Variants in ANTXR2 observed in about 807,000 individuals in gnomAD.
ANTXR2 encodes ANTXR cell adhesion molecule 2, also known as anthrax toxin receptor 2.
A neutral mutation model predicts 73.7 loss-of-function variants in ANTXR2; 44 were observed. That is an observed-to-expected ratio of 0.60 (90% CI 0.47 to 0.77). ANTXR2 has a LOEUF of 0.77. Ranked by LOEUF, ANTXR2 falls within the 30% of genes least tolerant of loss-of-function variation. The pLI is 0.00. For missense variants in ANTXR2, 604 were observed against 592.5 expected (o/e 1.02, Z -0.20); for synonymous variants, 217 against 205.9 (o/e 1.05, Z -0.46).
At chr4:79,979,602 T>A (rs1729797707) in intron 14 of ANTXR2, among the ~76,000 whole-genome samples, 1 of 152,164 alleles carries the variant, frequency 6.6e-6, no homozygotes, top group Non-Finnish European at 1.5e-5. Context: ...TTAAAATGTA[T>A]CTATATCTTT....
At chr4:80,061,459 T>C (rs1449285467) in intron 3 of ANTXR2, among the ~76,000 whole-genome samples, 1 of 152,138 alleles carries the variant, frequency 6.6e-6, no homozygotes, top group Non-Finnish European at 1.5e-5. Flanking sequence ...TTACTCTCAA[T>C]AGATTATTAG....
At chr4:80,030,874 A>G (rs1305825949) in intron 10 of ANTXR2, among the ~76,000 whole-genome samples, 1 of 152,072 alleles carries the variant, frequency 6.6e-6, no homozygotes, top group Non-Finnish European at 1.5e-5. Flanking sequence ...CCTATTAACT[A>G]TCTTAAACAT....
chr4:79,966,127 GACACACACACACACAC>G (rs10549471), intron 16 of ANTXR2, among the ~76,000 whole-genome samples: 1 of 149,408 alleles, frequency 6.7e-6, no homozygotes, highest in Non-Finnish European at 1.5e-5. Flanking sequence ...CTAGGACTTA[GACACACACACACACAC>G]ACACACACAC....
intron 14 of ANTXR2, among the ~76,000 whole-genome samples, chr4:79,980,692 G>T (rs1453358138): frequency 6.6e-6 from 1 of 152,054 alleles, no homozygotes; most frequent in Non-Finnish European, 1.5e-5. Flanking sequence ...TAGGTATTGT[G>T]GATCAGTTGT....
intron 7 of ANTXR2, among the ~76,000 whole-genome samples, chr4:80,052,761 C>A (rs1040383541): frequency 7.3e-5 from 11 of 151,426 alleles, no homozygotes; most frequent in African/African-American, 2.7e-4. Context: ...GAACTTTAGG[C>A]AAGAAAGGCC....
chr4:79,962,853 A>G (rs1055186349), intron 16 of ANTXR2, among the ~76,000 whole-genome samples: 2 of 152,202 alleles, frequency 1.3e-5, no homozygotes, highest in Non-Finnish European at 2.9e-5. Context: ...GGGTAATAAT[A>G]TTGAGTAGCC....
At chr4:79,964,460 G>T (rs1271479342) in intron 16 of ANTXR2, among the ~76,000 whole-genome samples, 1 of 152,184 alleles carries the variant, frequency 6.6e-6, no homozygotes, top group African/African-American at 2.4e-5. Context: ...GCTTAATGGA[G>T]GTTGTTTATG....
intron 16 of ANTXR2, among the ~76,000 whole-genome samples, chr4:79,956,238 T>A (rs1728881800): frequency 6.6e-6 from 1 of 152,162 alleles, no homozygotes; most frequent in South Asian, 2.1e-4. Context: ...GCATTCTGAA[T>A]ATATGTCAAA....
At chr4:80,036,091 T>C in intron 7 of ANTXR2, 59 bp from the exon 8 acceptor site, 1 of 1,344,866 alleles carries the variant, frequency 7.4e-7, no homozygotes, top group Non-Finnish European at 1.0e-6. Flanking sequence ...CAATGTGAAG[T>C]AAATTATAAG....
Position 80,027,019 on chromosome 4 carries a change from T to C in ANTXR2, c.866+4604A>G, listed in dbSNP as rs143282345. Among the ~76,000 whole-genome samples the C allele has an allele frequency of 2.6e-5, 4 of 152,236 alleles. No homozygotes were observed. The East Asian group carries it at 5.8e-4, about 22-fold the overall frequency. ...AGAGAAATGTTCCACCAAGGAAGTG[T>C]GGGGTAGAGAAACAGAGAAAGCCCT... On this transcript the variant is annotated intron_variant, in intron 10 of 16. Transcript: ENST00000403729.
In ANTXR2 at chr4:80,055,910, T is replaced by C. The variant is rs758507002; in HGVS notation, c.378+22A>G. ...AATAAGAAAGCATTCTCTCCCATAT[T>C]TACAAATGTAAAATAACTTACTAGC... On this transcript the variant is annotated intron_variant, in intron 4 of 16. Transcript: ENST00000403729. 9.6e-6 allele frequency: 14 copies of C among 1,455,674 alleles called. No homozygotes were observed. The South Asian group carries it at 1.8e-4, about 19-fold the overall frequency. The allele number at this position is 1,455,674 out of a possible 1,614,324, so 90.2% of individuals were successfully genotyped here.
chr4:79,986,696 C>T (rs1043554749), intron 12 of ANTXR2, among the ~76,000 whole-genome samples: 1 of 152,182 alleles, frequency 6.6e-6, no homozygotes, highest in Non-Finnish European at 1.5e-5. Flanking sequence ...AGACATTCTC[C>T]TGTGGCACCC....
At chr4:79,930,163 G>A (rs1165214975) in intron 16 of ANTXR2, among the ~76,000 whole-genome samples, 1 of 151,948 alleles carries the variant, frequency 6.6e-6, no homozygotes, top group Non-Finnish European at 1.5e-5. Flanking sequence ...AACTATATTA[G>A]AGATAATAAA....
intron 16 of ANTXR2, among the ~76,000 whole-genome samples, chr4:79,911,623 TAA>T (rs1727142008): frequency 6.6e-6 from 1 of 151,898 alleles, no homozygotes; most frequent in African/African-American, 2.4e-5. Flanking sequence ...GAGCAAGAGT[TAA>T]AATGAATGAA....
chr4:80,005,189 A>C (rs1731245835), intron 12 of ANTXR2, among the ~76,000 whole-genome samples: 1 of 152,126 alleles, frequency 6.6e-6, no homozygotes, highest in East Asian at 1.9e-4. Flanking sequence ...TATTGATAAG[A>C]GCTCCTGAGC....
At chr4:80,018,841 A>T (rs1228555045) in intron 11 of ANTXR2, 57 bp downstream of exon 11, 1 of 1,294,936 alleles carries the variant, frequency 7.7e-7, no homozygotes, top group African/African-American at 1.5e-5. Context: ...AGATCCATAG[A>T]TTATTTCTGG....
At chr4:80,071,496 T>A (rs920397656) in intron 2 of ANTXR2, 87 bp downstream of exon 2, 8 of 1,151,046 alleles carry the variant, frequency 7.0e-6, no homozygotes, top group African/African-American at 1.5e-5. Flanking sequence ...TCAGGAAAAG[T>A]TTTTCCTATA....
intron 3 of ANTXR2, among the ~76,000 whole-genome samples, chr4:80,067,024 T>G (rs1734532504): frequency 1.3e-5 from 2 of 151,926 alleles, no homozygotes; most frequent in South Asian, 2.1e-4. Context: ...GCTAACACGG[T>G]GAAACCCCGT....
At chr4:80,051,972 C>T (rs778591602) in intron 7 of ANTXR2, among the ~76,000 whole-genome samples, 1 of 151,132 alleles carries the variant, frequency 6.6e-6, no homozygotes, top group African/African-American at 2.4e-5. Context: ...ACCATGTTGT[C>T]AATTTTTTTC....
Sources: gnomAD v4.1 joint callset for allele counts (sites outside exome capture counted in the v4.1 genomes callset) on GRCh38, gnomAD v4.1.1 for gene constraint, MANE v1.5 for transcripts, NCBI Gene and HGNC (gene_info 2026-07-23, HGNC 2026-07-21) for gene names.